FBXO28: variants seen among roughly 807,000 people sequenced by gnomAD.
FBXO28 encodes F-box protein 28, also known as F-box only protein 28.
Under a neutral mutation model 38.1 loss-of-function variants are expected in FBXO28, and 8 were observed. That is an observed-to-expected ratio of 0.21 (90% confidence interval 0.12 to 0.38). The LOEUF (loss-of-function observed/expected upper bound fraction) is 0.38. Among genes scored for constraint, FBXO28 ranks in the 10% least tolerant of loss-of-function variants. The probability of loss-of-function intolerance (pLI) is 1.00; values close to 1 mark genes in which losing one functional copy is unlikely to be tolerated. For missense variants in FBXO28, 345 were observed against 460.6 expected (o/e 0.75, Z 2.30); for synonymous variants, 168 against 173.8 (o/e 0.97, Z 0.26).
chr1:224,153,307 G>C lies in FBXO28; in HGVS notation c.682G>C (p.Val228Leu). 1.2e-6 allele frequency: 2 copies of C among 1,604,990 alleles called. No homozygotes were observed. Among genetic ancestry groups the C allele is most frequent in the Non-Finnish European group, 1.7e-6 (2 of 1,176,546 alleles). ...ILKRKLPGSD[V>L]SGRLMGSPPV... ...AAAGAGGAAATTACCAGGATCAGATGTTTCTGGAAGACTCATGGGCTCTCC... is the reference window on the plus strand; with the variant it reads ...AAAGAGGAAATTACCAGGATCAGATCTTTCTGGAAGACTCATGGGCTCTCC... Residue 228 changes from valine (V) to leucine (L), a missense_variant, in exon 4 of 5, where the codon GTT becomes CTT. Coordinates refer to ENST00000366862, the MANE Select transcript of FBXO28 (RefSeq NM_015176.4).
chr1:224,132,345 G>T (rs537021069), intron 2 of FBXO28, among the ~76,000 whole-genome samples: 87 of 152,250 alleles, frequency 5.7e-4, no homozygotes, highest in African/African-American at 2.0e-3. Context: ...ATCATTAGTC[G>T]TCAGGGGAAT....
At chr1:224,116,435 A>G (rs972630860) in intron 1 of FBXO28, among the ~76,000 whole-genome samples, 17 of 152,202 alleles carry the variant, frequency 1.1e-4, no homozygotes, top group African/African-American at 3.9e-4. Context: ...ATCGTTTGCA[A>G]AAAATCAAGG....
At chr1:224,131,457 A>G (rs1376593085) in intron 2 of FBXO28, among the ~76,000 whole-genome samples, 1 of 152,236 alleles carries the variant, frequency 6.6e-6, no homozygotes, top group African/African-American at 2.4e-5. Flanking sequence ...ACAGTATGGC[A>G]CTGGCATAAG....
chr1:224,121,663 C>CT (rs1002688908), intron 1 of FBXO28, among the ~76,000 whole-genome samples: 18 of 148,030 alleles, frequency 1.2e-4, no homozygotes, highest in Admixed American at 3.4e-4. Context: ...GCAAATAGAA[C>CT]TTTTTTTTTT....
chr1:224,153,199 C>T lies in FBXO28; in HGVS notation c.574C>T (p.Arg192Ter), dbSNP rs1300195065. The change falls in exon 4 of 5, where the codon CGA becomes TGA. Residue 192 changes from arginine (R) to a stop codon, truncating the protein, a stop_gained. Coordinates refer to ENST00000366862, the MANE Select transcript of FBXO28 (RefSeq NM_015176.4). LOFTEE classifies it high-confidence loss of function. ...TGTCAATTCTACCAGAGCCCCTCAA[C>T]GAGCTCATGAAGTACTTCAAGAATT... The part of the protein sequence containing the change: ...RYVNSTRAPQ[R>*]AHEVLQELRD... The T allele has an allele frequency of 6.2e-7, 1 of 1,609,594 alleles. No individual in the cohort carries two copies. The highest frequency in any genetic ancestry group is 8.5e-7 in the Non-Finnish European group (1 of 1,178,516).
In FBXO28 at chr1:224,130,588, T is replaced by C; in HGVS notation, c.377+7T>C. ...TTAAAGCACAACTCCCAAGGTATGT[T>C]GTGGGTGGCAATGACAATGATGTAC... On this transcript the variant is annotated splice_region_variant and intron_variant, in intron 2 of 4. Coordinates refer to ENST00000366862, the MANE Select transcript of FBXO28 (RefSeq NM_015176.4). The C allele has an allele frequency of 6.3e-7, 1 of 1,576,960 alleles. No individual in the cohort carries two copies. Among genetic ancestry groups the C allele is most frequent in the Non-Finnish European group, 8.7e-7 (1 of 1,146,896 alleles).
At chr1:224,146,414 T>C (rs1657505414) in intron 3 of FBXO28, among the ~76,000 whole-genome samples, 1 of 152,136 alleles carries the variant, frequency 6.6e-6, no homozygotes, top group South Asian at 2.1e-4. Flanking sequence ...TTCAGTATTC[T>C]AGCAGGAGCT....
intron 3 of FBXO28, among the ~76,000 whole-genome samples, chr1:224,148,134 G>A (rs1657554793): frequency 6.6e-6 from 1 of 152,082 alleles, no homozygotes; most frequent in African/African-American, 2.4e-5. Context: ...TGGGGCAAAT[G>A]GAAAGAGTGA....
intron 1 of FBXO28, among the ~76,000 whole-genome samples, chr1:224,125,653 T>G (rs926498496): frequency 5.9e-5 from 9 of 151,808 alleles, no homozygotes; most frequent in African/African-American, 2.2e-4. Flanking sequence ...TTTTTTTTTT[T>G]TTTTCTGACA....
At chr1:224,127,164 T>TGTG (rs1656923353) in intron 1 of FBXO28, among the ~76,000 whole-genome samples, 64 of 88,552 alleles carry the variant, frequency 7.2e-4, no homozygotes, top group African/African-American at 2.1e-3. Context: ...TGTAAAGTAT[T>TGTG]TGTGTGTGTG....
intron 4 of FBXO28, among the ~76,000 whole-genome samples, chr1:224,154,081 C>A (rs1572027118): frequency 6.6e-6 from 1 of 152,208 alleles, no homozygotes; most frequent in East Asian, 1.9e-4. Flanking sequence ...GGGGTTACAT[C>A]CTGATAAACC....
chr1:224,120,983 GAGATT>G (rs1173528141), intron 1 of FBXO28, among the ~76,000 whole-genome samples: 3 of 151,682 alleles, frequency 2.0e-5, no homozygotes, highest in Non-Finnish European at 4.4e-5. Flanking sequence ...TCCAAGAGAG[GAGATT>G]AGAACTTTTT....
At chr1:224,128,382 T>A (rs562753693) in intron 1 of FBXO28, among the ~76,000 whole-genome samples, 1 of 152,178 alleles carries the variant, frequency 6.6e-6, no homozygotes, top group African/African-American at 2.4e-5. Context: ...GAATTCTGTA[T>A]ACTAGATCTA....
At chr1:224,118,912 A>G (rs965013530) in intron 1 of FBXO28, among the ~76,000 whole-genome samples, 25 of 152,318 alleles carry the variant, frequency 1.6e-4, no homozygotes, top group Non-Finnish European at 2.8e-4. Flanking sequence ...ATGTCAGCAC[A>G]TGTCATATTG....
chr1:224,120,458 G>A (rs1384501928), intron 1 of FBXO28, among the ~76,000 whole-genome samples: 1 of 152,196 alleles, frequency 6.6e-6, no homozygotes, highest in East Asian at 1.9e-4. Flanking sequence ...GGAGGAGCCT[G>A]TTTTCCAATT....
At chr1:224,139,711 A>C (rs911244406) in intron 3 of FBXO28, among the ~76,000 whole-genome samples, 2 of 151,970 alleles carry the variant, frequency 1.3e-5, no homozygotes, top group Non-Finnish European at 2.9e-5. Context: ...ACTGTATTCC[A>C]GCCTGGTGAC....
At chr1:224,155,416 C>T (rs903124782) in intron 4 of FBXO28, among the ~76,000 whole-genome samples, 5 of 152,134 alleles carry the variant, frequency 3.3e-5, no homozygotes, top group Non-Finnish European at 5.9e-5. Flanking sequence ...CCACCTGCCT[C>T]GGCCTCCCAA....
intron 3 of FBXO28, among the ~76,000 whole-genome samples, chr1:224,152,026 A>G (rs1657660038): frequency 6.6e-6 from 1 of 150,614 alleles, no homozygotes; most frequent in South Asian, 2.1e-4. Flanking sequence ...TGGACAACAC[A>G]GTGAGACTCC....
rs572324308 is a variant in FBXO28 at position 224,138,670 on chromosome 1, CCATT to C, written c.516+4462_516+4465del. Among the ~76,000 whole-genome samples, 327 of 151,230 alleles carry C rather than the reference CCATT, an allele frequency of 2.2e-3. 1 individual carries two copies. The highest frequency in any genetic ancestry group is 4.3e-3 in the Admixed American group (65 of 15,128). ...CCGTATGTGAGCATTGAGCAACCAG[CCATT>C]CATAGAGATGATAATGAAAAAACAA... On this transcript the variant is annotated intron_variant, in intron 3 of 4. Coordinates refer to ENST00000366862, the MANE Select transcript of FBXO28 (RefSeq NM_015176.4).
Sources: allele counts gnomAD v4.1 joint callset (sites outside exome capture counted in the v4.1 genomes callset), GRCh38; gene constraint gnomAD v4.1.1; transcripts MANE v1.5; gene names NCBI Gene and HGNC (gene_info 2026-07-23, HGNC 2026-07-21).